The following ATP8A1 variants were observed in gnomAD, a reference collection of about 807,000 sequenced individuals.
The protein encoded by ATP8A1 is phospholipid-transporting ATPase IA.
ATP8A1 carries 90 observed loss-of-function variants against 177.7 expected under a neutral mutation model. The observed-to-expected ratio is 0.51, with a 90% CI of 0.43 to 0.60. The LOEUF (loss-of-function observed/expected upper bound fraction) is 0.60. Among genes scored for constraint, ATP8A1 ranks in the 20% least tolerant of loss-of-function variants. The probability of loss-of-function intolerance (pLI) is 0.00; values close to 1 mark genes in which losing one functional copy is unlikely to be tolerated. For synonymous variants in ATP8A1, 493 were observed against 485.9 expected, an observed-to-expected ratio of 1.01 and a Z score of -0.19; for missense variants, 1,072 against 1,392.8, an observed-to-expected ratio of 0.77 and a Z score of 3.67.
intron 33 of ATP8A1, among the ~76,000 whole-genome samples, chr4:42,425,290 GA>G (rs1237990857): frequency 5.3e-5 from 8 of 152,132 alleles, no homozygotes. Context: ...TCCACCAGTG[GA>G]AAAGGCAAAA....
chr4:42,654,413 A>T (rs1560569099), intron 1 of ATP8A1, among the ~76,000 whole-genome samples: 2 of 152,056 alleles, frequency 1.3e-5, no homozygotes, highest in African/African-American at 4.8e-5. Flanking sequence ...AGTCATTTCA[A>T]GGGGGGGAAA....
chr4:42,428,045 C>A (rs749939306), intron 33 of ATP8A1, among the ~76,000 whole-genome samples: 2 of 152,188 alleles, frequency 1.3e-5, no homozygotes, highest in Non-Finnish European at 2.9e-5. Flanking sequence ...TGAATGTTAT[C>A]CAAGCTGTGA....
intron 15 of ATP8A1, among the ~76,000 whole-genome samples, chr4:42,556,609 T>C (rs541083306): frequency 2.0e-5 from 3 of 152,246 alleles, no homozygotes; most frequent in South Asian, 4.1e-4. Flanking sequence ...AATAAAAGTA[T>C]GGAATTTTTG....
chr4:42,513,962 G>T (rs1046411217), intron 22 of ATP8A1, among the ~76,000 whole-genome samples: 2 of 152,174 alleles, frequency 1.3e-5, no homozygotes, highest in African/African-American at 4.8e-5. Flanking sequence ...GTTCTCAGAG[G>T]TTGCTGGGCT....
At chr4:42,590,760 T>A in intron 7 of ATP8A1, 51 bp downstream of exon 7, 1 of 1,555,542 alleles carries the variant, frequency 6.4e-7, no homozygotes, top group Non-Finnish European at 8.8e-7. Flanking sequence ...GTTCTCCGGT[T>A]TACGGTGAGG....
intron 16 of ATP8A1, among the ~76,000 whole-genome samples, chr4:42,553,142 C>T (rs1729680007): frequency 6.6e-6 from 1 of 152,156 alleles, no homozygotes; most frequent in Non-Finnish European, 1.5e-5. Flanking sequence ...TCTTTCATTC[C>T]TTTTCTAAAC....
chr4:42,551,860 T>C (rs910782737), intron 17 of ATP8A1, among the ~76,000 whole-genome samples: 2 of 152,174 alleles, frequency 1.3e-5, no homozygotes, highest in Admixed American at 1.3e-4. Flanking sequence ...GAAGTTAGTA[T>C]ATCCTATAAG....
At chr4:42,650,782 T>G (rs1741013381) in intron 1 of ATP8A1, among the ~76,000 whole-genome samples, 1 of 152,224 alleles carries the variant, frequency 6.6e-6, no homozygotes, top group Non-Finnish European at 1.5e-5. Context: ...GTGTGTGCAT[T>G]TCTTTAGTTC....
intron 27 of ATP8A1, among the ~76,000 whole-genome samples, chr4:42,457,728 G>C (rs947858129): frequency 2.6e-5 from 4 of 152,120 alleles, no homozygotes; most frequent in Admixed American, 1.3e-4. Context: ...CTGATTCAAA[G>C]GCTACTACGA....
At chr4:42,515,797 T>A (rs1725468827) in intron 22 of ATP8A1, among the ~76,000 whole-genome samples, 1 of 152,206 alleles carries the variant, frequency 6.6e-6, no homozygotes, top group South Asian at 2.1e-4. Flanking sequence ...CACGCAGCGG[T>A]GCTCAGATAT....
At chr4:42,648,402 A>T (rs375824127) in intron 1 of ATP8A1, among the ~76,000 whole-genome samples, 7 of 152,020 alleles carry the variant, frequency 4.6e-5, no homozygotes, top group South Asian at 4.1e-4. Context: ...CTGACTCCAG[A>T]AAAAAACTCA....
rs192126121 is a variant in ATP8A1, at chr4:42,653,569, A to G, written c.49+3256T>C. ...TTAAGACTGTTTTGCAAAAGAGTCT[A>G]TCTACCATACCTTTTCCTCCAAACC... On this transcript the variant is annotated intron_variant, in intron 1 of 36. Coordinates refer to ENST00000381668, the MANE Select transcript of ATP8A1 (RefSeq NM_006095.2). Among the ~76,000 whole-genome samples the G allele has an allele frequency of 5.9e-5, 9 of 152,350 alleles. No individual in the cohort carries two copies. The East Asian group carries it at 1.7e-3, about 29-fold the overall frequency.
chr4:42,620,878 C>T (rs1449037451), intron 4 of ATP8A1, among the ~76,000 whole-genome samples: 1 of 152,180 alleles, frequency 6.6e-6, no homozygotes, highest in African/African-American at 2.4e-5. Flanking sequence ...AGTTACATGA[C>T]CTCTCTAAGC....
intron 1 of ATP8A1, among the ~76,000 whole-genome samples, chr4:42,629,988 T>C (rs1738555389): frequency 6.6e-6 from 1 of 152,254 alleles, no homozygotes; most frequent in African/African-American, 2.4e-5. Context: ...GTAGCAATTT[T>C]GATCTCACAG....
chr4:42,631,786 GAACC>G (rs1281743282), intron 1 of ATP8A1, among the ~76,000 whole-genome samples: 1 of 152,106 alleles, frequency 6.6e-6, no homozygotes, highest in East Asian at 1.9e-4. Context: ...GTAGGCCTAG[GAACC>G]AATCTAGCCC....
Position 42,656,241 on chromosome 4 carries a change from G to C in ATP8A1, c.49+584C>G, listed in dbSNP as rs978083706. ...TCAGCTGGCCGAAGTGAGGGTTTCG[G>C]GCAAAAGGGAAACACAAAAACGAAA... On this transcript the variant is annotated intron_variant, in intron 1 of 36. Transcript: ENST00000381668. Among the ~76,000 whole-genome samples the C allele has an allele frequency of 2.6e-5, 4 of 152,312 alleles. No homozygotes were observed. In the East Asian group the frequency reaches 7.7e-4, roughly 29 times the overall value.
At chr4:42,614,661 C>T (rs1231460322) in intron 5 of ATP8A1, among the ~76,000 whole-genome samples, 1 of 152,200 alleles carries the variant, frequency 6.6e-6, no homozygotes, top group East Asian at 1.9e-4. Context: ...TTGGAATCCC[C>T]TTGGCTTAGC....
chr4:42,549,739 T>C (rs1729305857), intron 18 of ATP8A1, among the ~76,000 whole-genome samples: 1 of 151,968 alleles, frequency 6.6e-6, no homozygotes, highest in Non-Finnish European at 1.5e-5. Flanking sequence ...TTCAAGGCTA[T>C]GGTTAGCTAT....
rs906641770 is a variant in ATP8A1, at chr4:42,408,683, T to C, written c.*4233A>G. On this transcript the variant is annotated 3_prime_UTR_variant, in exon 37 of 37. Transcript: ENST00000381668. ...TACTACTTTATCTTTAACGCAAAAC[T>C]GCAGTTTTCTGTAGTAGCTGCCTTC... 2.0e-5 allele frequency: 3 copies of C among 152,226 alleles called. No individual in the cohort carries two copies. The highest frequency in any genetic ancestry group is 1.3e-4 in the Admixed American group (2 of 15,284). 9.4% of individuals were successfully genotyped at this position (152,226 alleles called of 1,614,324 possible).
Sources: gnomAD v4.1 joint callset for allele counts (sites outside exome capture counted in the v4.1 genomes callset) on GRCh38, gnomAD v4.1.1 for gene constraint, MANE v1.5 for transcripts, NCBI Gene and HGNC (gene_info 2026-07-23, HGNC 2026-07-21) for gene names.